CAPN12: variants seen among roughly 807,000 people sequenced by gnomAD.
CAPN12 encodes the protein calpain-12.
CAPN12 carries 107 observed loss-of-function variants against 95.0 expected under a neutral mutation model. The ratio of observed to expected loss-of-function variants is 1.13; its 90% CI spans 0.96 to 1.32. CAPN12 has a LOEUF of 1.32. Among genes scored for constraint, CAPN12 ranks in the 40% most tolerant of loss-of-function variants. CAPN12 has a pLI of 0.00. For synonymous variants in CAPN12, 505 were observed against 415.5 expected, an observed-to-expected ratio of 1.22 and a Z score of -2.62; for missense variants, 1,136 against 997.8, an observed-to-expected ratio of 1.14 and a Z score of -1.87.
In CAPN12 at chr19:38,738,661, T is replaced by C. The variant is rs775177859; in HGVS notation, c.730-13A>G. 6.2e-7 allele frequency: 1 copy of C among 1,613,546 alleles called. No homozygotes were observed. The highest frequency in any genetic ancestry group is 1.1e-5 in the South Asian group (1 of 91,066). On this transcript the variant is annotated splice_polypyrimidine_tract_variant and intron_variant, in intron 5 of 20. Transcript: ENST00000328867. ...CACCCCGATCACTCTGGGCAGGGGA[T>C]GGGATGGTGAGGCCAAGGTAGGGGA...
chr19:38,743,945 T>G lies in CAPN12; in HGVS notation c.221A>C (p.Lys74Thr), dbSNP rs1568330289. 6.2e-7 allele frequency: 1 copy of G among 1,614,158 alleles called. No homozygotes were observed. Among genetic ancestry groups the G allele is most frequent in the East Asian group, 2.2e-5 (1 of 44,878 alleles). Residue 74 changes from lysine (K) to threonine (T), a missense_variant, in exon 1 of 21, where the codon AAA (lysine) becomes ACA (threonine). Coordinates refer to ENST00000328867, the MANE Select transcript of CAPN12 (RefSeq NM_144691.4). ...GPDSEKAKGV[K>T]WMRPHEFCAE... is the part of the protein sequence containing the mutation. ...ACACTTTACATGGGGCCTCATCCAT[T>G]TCACGCCTTTGGCCTTCTCCGAGTC...
At position 38,730,849 on chromosome 19, in the gene CAPN12, A is replaced by T; in HGVS notation, c.*3T>A. The T allele has an allele frequency of 6.4e-7, 1 of 1,551,088 alleles. No individual in the cohort carries two copies. The highest frequency in any genetic ancestry group is 2.4e-5 in the East Asian group (1 of 41,044). ...GAGCAGCAGGTGCGCCCATCCGGAGATCCTAGGAGAAGGTGGCCACCTCCA... is the reference window on the plus strand; with the variant it reads ...GAGCAGCAGGTGCGCCCATCCGGAGTTCCTAGGAGAAGGTGGCCACCTCCA... On this transcript the variant is annotated 3_prime_UTR_variant, in exon 21 of 21. Coordinates refer to ENST00000328867, the MANE Select transcript of CAPN12 (RefSeq NM_144691.4).
rs775799580 is a variant in CAPN12, at chr19:38,740,169, A to G, written c.611T>C (p.Phe204Ser). Residue 204 changes from phenylalanine (F) to serine (S), a missense_variant, in exon 5 of 21, where the codon TTT becomes TCT. By Grantham distance (155) the Phe-to-Ser change is radical. Coordinates refer to ENST00000328867, the MANE Select transcript of CAPN12 (RefSeq NM_144691.4). ...GCCCACGCCGCCTGTGAAATCCACA[A>G]AAGCCTCATTCATGTGGCCGCCCCG... ...VMRGGHMNEA[F>S]VDFTGGVGEV... 8.7e-6 allele frequency: 14 copies of G among 1,613,086 alleles called. No homozygotes were observed. Among genetic ancestry groups the G allele is most frequent in the Non-Finnish European group, 1.1e-5 (13 of 1,179,618 alleles).
intron 13 of CAPN12, 27 bp downstream of exon 13, chr19:38,735,475 T>G (rs774165663): frequency 6.2e-7 from 1 of 1,610,676 alleles, no homozygotes; most frequent in Non-Finnish European, 8.5e-7. Flanking sequence ...CCCCGCCCCA[T>G]GCCGCCCCTC....
At position 38,742,484 on chromosome 19, in the gene CAPN12, G is replaced by C; in HGVS notation, c.352C>G (p.Pro118Ala). Reference sequence around the variant, plus strand: ...GGGACCACCCGGCGCAGGAGCCGGGGATACAGAGTAAGGGAGGCGGCAGCT... The same window carrying C: ...GGGACCACCCGGCGCAGGAGCCGGGCATACAGAGTAAGGGAGGCGGCAGCT... Reference protein sequence around the residue: ...LAAAASLTLYPRLLRRVVPPG... With the variant: ...LAAAASLTLYARLLRRVVPPG... The change falls in exon 3 of 21, where the codon CCC becomes GCC. Residue 118 changes from proline (P) to alanine (A), a missense_variant. Physicochemically the swap from Pro to Ala is conservative, Grantham distance 27 (BLOSUM62 -1). Transcript: ENST00000328867. 1 of 1,613,770 alleles carries C rather than the reference G, an allele frequency of 6.2e-7. No individual in the cohort carries two copies. The highest frequency in any genetic ancestry group is 2.2e-5 in the East Asian group (1 of 44,870).
rs150655757 is a variant in CAPN12, at chr19:38,733,731, G to A, written c.1929C>T (p.Tyr643=). Residue 643 remains tyrosine (Y), a synonymous_variant, in exon 18 of 21, where the codon TAC becomes TAT. Transcript: ENST00000328867. ...CTGCATTCAGTGCCAGCCTCAGCTC[G>A]TAGGAGTTCATGGTTCCAGAGGTGT... ...DEDTSGTMNS[Y]ELRLALNAAG... The A allele has an allele frequency of 4.8e-4, 771 of 1,613,674 alleles. 6 individuals carry two copies. Among genetic ancestry groups the A allele is most frequent in the Middle Eastern group, 1.3e-3 (8 of 6,060 alleles).
In CAPN12 at chr19:38,734,808, C is replaced by G. The variant is rs1043849675; in HGVS notation, c.1744+5G>C. On this transcript the variant is annotated splice_donor_5th_base_variant and intron_variant, in intron 15 of 20. Transcript: ENST00000328867. ...CTCCTCCTGCCCCTATCCCAGCCAA[C>G]TCACCAGGCTCCAGGGCAATGCTTA... is the stretch of plus-strand genomic sequence containing the variant. 7 of 1,612,216 alleles carry G rather than the reference C, an allele frequency of 4.3e-6. No individual in the cohort carries two copies. In the Admixed American group the frequency reaches 1.2e-4, roughly 27 times the overall value.
At chr19:38,736,507 AGGTTGACCAAGCCCCAGG>A (rs1568782375) in intron 11 of CAPN12, 27 bp downstream of exon 11, 1 of 758,594 alleles carries the variant, frequency 1.3e-6, no homozygotes, top group Non-Finnish European at 1.8e-6. Flanking sequence ...GCCCCAGGGC[AGGTTGACCAAGCCCCAGG>A]GCCGGTTGAC....
chr19:38,736,150 AGTC>A lies in CAPN12; in HGVS notation c.1540_1542del (p.Asp514del). On this transcript the variant is annotated inframe_deletion, in exon 12 of 21. Transcript: ENST00000328867. The stretch of plus-strand genomic sequence containing the variant: ...CGCTCGGAGAAGACACGCAGAGTGA[AGTC>A]AGCCTCGTCGCCGGCGTGGGCGGTG... 6.6e-7 allele frequency: 1 copy of A among 1,515,248 alleles called. No individual in the cohort carries two copies. The allele number at this position is 1,515,248 out of a possible 1,614,324, so 93.9% of individuals were successfully genotyped here. A position where few individuals can be genotyped will look rare whatever the true frequency, so the allele number is the denominator to read the frequency against.
At position 38,736,615 on chromosome 19, in the gene CAPN12, C is replaced by T. The variant is rs774563309; in HGVS notation, c.1363-52G>A. 3 of 1,407,170 alleles carry T rather than the reference C, an allele frequency of 2.1e-6. No homozygotes were observed. The African/African-American group carries it at 4.4e-5, about 21-fold the overall frequency. The allele number at this position is 1,407,170 out of a possible 1,614,324, so 87.2% of individuals were successfully genotyped here. ...CGGGGCAGGGGAGAGGTGGCCGCCG[C>T]TCAGGGTCTCCTCCCTGCCCCTTCT... On this transcript the variant is annotated intron_variant, in intron 10 of 20. Coordinates refer to ENST00000328867, the MANE Select transcript of CAPN12 (RefSeq NM_144691.4).
At chr19:38,734,730 TC>T in intron 15 of CAPN12, 82 bp downstream of exon 15, 1 of 1,312,558 alleles carries the variant, frequency 7.6e-7, no homozygotes, top group Non-Finnish European at 1.1e-6. Context: ...CGCGGTGGGT[TC>T]ATAGACATAG....
chr19:38,738,658 G>A lies in CAPN12; in HGVS notation c.730-10C>T. On this transcript the variant is annotated splice_polypyrimidine_tract_variant and intron_variant, in intron 5 of 20. Coordinates refer to ENST00000328867, the MANE Select transcript of CAPN12 (RefSeq NM_144691.4). ...ACTCACCCCGATCACTCTGGGCAGG[G>A]GATGGGATGGTGAGGCCAAGGTAGG... The A allele has an allele frequency of 1.2e-6, 2 of 1,613,796 alleles. No homozygotes were observed. The highest frequency in any genetic ancestry group is 1.7e-6 in the Non-Finnish European group (2 of 1,179,918).
chr19:38,736,414 TC>T, intron 11 of CAPN12, 96 bp from the exon 12 acceptor site: 1 of 1,513,390 alleles, frequency 6.6e-7, no homozygotes, highest in Non-Finnish European at 8.9e-7. Flanking sequence ...CTAACCCCTG[TC>T]CACGCCTCCC....
At position 38,737,276 on chromosome 19, in the gene CAPN12, GCCCC is replaced by G; in HGVS notation, c.1238_1241del (p.Arg413ProfsTer25). 1 of 1,538,586 alleles carries G rather than the reference GCCCC, an allele frequency of 6.5e-7. No homozygotes were observed. The highest frequency in any genetic ancestry group is 8.8e-7 in the Non-Finnish European group (1 of 1,141,778). ...TGGGCGTGCGGCCCCCCCGCGCTGGGCCCCGTGCCCCTGCAGCCCCCCAGCCCCC... is the reference window on the plus strand; with the variant it reads ...TGGGCGTGCGGCCCCCCCGCGCTGGGGTGCCCCTGCAGCCCCCCAGCCCCC... On this transcript the variant is annotated frameshift_variant, in exon 10 of 21. Coordinates refer to ENST00000328867, the MANE Select transcript of CAPN12 (RefSeq NM_144691.4). LOFTEE classifies it high-confidence loss of function.
chr19:38,735,568 G>A, intron 12 of CAPN12, 24 bp from the exon 13 acceptor site: 1 of 1,607,018 alleles, frequency 6.2e-7, no homozygotes, highest in Non-Finnish European at 8.5e-7. Flanking sequence ...ATGGGAAGTG[G>A]GGAGGGGGCT....
chr19:38,734,135 A>AC lies in CAPN12; in HGVS notation c.1878+6dup. ...TTTCTGGGAAGAGGCCCAGTCTCCC[A>AC]CCTCACCTGCCACTCCAGGAGGTAG... is the stretch of plus-strand genomic sequence containing the variant. On this transcript the variant is annotated splice_region_variant and intron_variant, in intron 17 of 20. Coordinates refer to ENST00000328867, the MANE Select transcript of CAPN12 (RefSeq NM_144691.4). 6.2e-7 allele frequency: 1 copy of AC among 1,610,960 alleles called. No homozygotes were observed. The highest frequency in any genetic ancestry group is 8.5e-7 in the Non-Finnish European group (1 of 1,179,038).
rs1354676181 is a variant in CAPN12, at chr19:38,741,596, A to AC, written c.560+180_560+181insG. On this transcript the variant is annotated intron_variant, in intron 4 of 20. Coordinates refer to ENST00000328867, the MANE Select transcript of CAPN12 (RefSeq NM_144691.4). Reference sequence around the variant, plus strand: ...CGTCTCAAAAAAAAAGAAAAAAAAAAAAAACATGAAGTTGCTCAGGTGATG... The same window carrying AC: ...CGTCTCAAAAAAAAAGAAAAAAAAAACAAAACATGAAGTTGCTCAGGTGATG... Among the ~76,000 whole-genome samples the AC allele has an allele frequency of 5.3e-5, 8 of 152,048 alleles. No individual in the cohort carries two copies. In the South Asian group the frequency reaches 6.2e-4, roughly 12 times the overall value.
chr19:38,735,343 C>A lies in CAPN12; in HGVS notation c.1686+27G>T, dbSNP rs191522699. The A allele has an allele frequency of 2.4e-5, 37 of 1,525,708 alleles. No homozygotes were observed. In the African/African-American group the frequency reaches 4.0e-4, roughly 16 times the overall value. 94.5% of individuals were successfully genotyped at this position (1,525,708 alleles called of 1,614,324 possible). ...CCCAAGGGGAGGCCGCAGCGGGATA[C>A]CCCCTCAGTCCAATCCCCCTCCTCA... On this transcript the variant is annotated intron_variant, in intron 14 of 20. Coordinates refer to ENST00000328867, the MANE Select transcript of CAPN12 (RefSeq NM_144691.4).
At chr19:38,734,934 T>G (rs1256863369) in intron 14 of CAPN12, 64 bp from the exon 15 acceptor site, 7 of 1,509,182 alleles carry the variant, frequency 4.6e-6, no homozygotes, top group Non-Finnish European at 6.4e-6. Context: ...CCAAGCCCTG[T>G]GCTAGGGACA....
Sources: gnomAD v4.1 joint callset for allele counts (sites outside exome capture counted in the v4.1 genomes callset) on GRCh38, gnomAD v4.1.1 for gene constraint, MANE v1.5 for transcripts, NCBI Gene and HGNC (gene_info 2026-07-23, HGNC 2026-07-21) for gene names.